GMIP: variants seen among roughly 807,000 people sequenced by gnomAD.
The protein encoded by GMIP is GEM interacting protein, also known as GEM-interacting protein.
A neutral mutation model predicts 105.3 loss-of-function variants in GMIP; 54 were observed. The observed-to-expected ratio is 0.51, with a 90% CI of 0.41 to 0.64. The LOEUF (loss-of-function observed/expected upper bound fraction) is 0.64, where lower values mean the gene tolerates loss of function less well. Among genes scored for constraint, GMIP ranks in the 30% least tolerant of loss-of-function variants. The pLI, the probability that GMIP is intolerant of heterozygous loss-of-function variation, is 0.00. For synonymous variants in GMIP, 541 were observed against 560.8 expected (o/e 0.96, Z 0.50); for missense variants, 1,110 against 1,319.4 (o/e 0.84, Z 2.46).
At chr19:19,636,827 C>A in intron 12 of GMIP, 31 bp from the exon 13 acceptor site, 1 of 1,588,794 alleles carries the variant, frequency 6.3e-7, no homozygotes, top group African/African-American at 1.3e-5. Flanking sequence ...AGGATGGTCC[C>A]CTGCTCACAA....
At chr19:19,641,928 C>G in intron 3 of GMIP, 48 bp downstream of exon 3, 1 of 1,599,842 alleles carries the variant, frequency 6.3e-7, no homozygotes, top group South Asian at 1.1e-5. Context: ...CTTCCTAAGG[C>G]CCCCTCTGCT....
chr19:19,636,956 C>G lies in GMIP; in HGVS notation c.1198G>C (p.Gly400Arg). The G allele has an allele frequency of 6.3e-7, 1 of 1,584,042 alleles. No homozygotes were observed. Among genetic ancestry groups the G allele is most frequent in the Non-Finnish European group, 8.6e-7 (1 of 1,164,368 alleles). Residue 400 changes from glycine to arginine, a missense_variant, in exon 12 of 21, where the codon GGC (glycine) becomes CGC (arginine). Physicochemically the swap from Gly to Arg is moderately radical, Grantham distance 125 (BLOSUM62 -2). Coordinates refer to ENST00000203556, the MANE Select transcript of GMIP (RefSeq NM_016573.4). ...PRLDENSAEP[G>R]PWEDPGTGWR... ...CCTGTGCCCGGATCCTCCCAAGGGC[C>G]TGGCTCAGCTGAATTCTCATCCAGC...
Position 19,643,577 on chromosome 19 carries a change from CG to C in GMIP, c.-49del. ...GCAGGGACCGGGATGGGGATGGGGTCGCGCGCCGGCGGGGCCGAGCCCCGAT... is the reference window on the plus strand; with the variant it reads ...GCAGGGACCGGGATGGGGATGGGGTCCGCGCCGGCGGGGCCGAGCCCCGAT... On this transcript the variant is annotated 5_prime_UTR_variant, in exon 1 of 21. Coordinates refer to ENST00000203556, the MANE Select transcript of GMIP (RefSeq NM_016573.4). 6.7e-7 allele frequency: 1 copy of C among 1,497,362 alleles called. No homozygotes were observed. The allele number at this position is 1,497,362 out of a possible 1,614,324, so 92.8% of individuals were successfully genotyped here.
At position 19,630,472 on chromosome 19, in the gene GMIP, T is replaced by G; in HGVS notation, c.2538A>C (p.Glu846Asp). 1 of 1,613,636 alleles carries G rather than the reference T, an allele frequency of 6.2e-7. No individual in the cohort carries two copies. The highest frequency in any genetic ancestry group is 8.5e-7 in the Non-Finnish European group (1 of 1,179,600). ...TGAGCCTCTCTCTAACATACTCACC[T>G]TCCCCTCCCCCATCTTTGGTGTCTT... ...VAEDTKDGGG[E>D]VSSQGPEDSL... Residue 846 changes from glutamate to aspartate, a missense_variant and splice_region_variant, in exon 20 of 21, where the codon GAA becomes GAC. Glu to Asp is a conservative substitution (Grantham distance 45). Around this residue, in one of 3 missense-constraint regions of GMIP, gnomAD observed 394 missense variants for 450.5 expected, o/e 0.87. Transcript: ENST00000203556. This position sits in a 1 kb window ranked among gnomAD's most constrained non-coding sequence, Gnocchi z 4.8.
In GMIP at chr19:19,637,124, TG is replaced by T; in HGVS notation, c.1125-96del. ...TGTCTAGGTACCAACTCCAAGCACT[TG>T]GGTCTGCAAACCCTGACACCCAGGG... is the stretch of plus-strand genomic sequence containing the variant. On this transcript the variant is annotated intron_variant, in intron 11 of 20. Coordinates refer to ENST00000203556, the MANE Select transcript of GMIP (RefSeq NM_016573.4). The surrounding 1 kb of genome is among the most constrained non-coding windows in gnomAD (Gnocchi z 6.7). 2 of 821,834 alleles carry T rather than the reference TG, an allele frequency of 2.4e-6. No homozygotes were observed. The highest frequency in any genetic ancestry group is 3.9e-6 in the Non-Finnish European group (2 of 507,362). 50.9% of individuals were successfully genotyped at this position (821,834 alleles called of 1,614,324 possible).
intron 7 of GMIP, among the ~76,000 whole-genome samples, chr19:19,639,545 C>T (rs1309617436): frequency 1.3e-5 from 2 of 152,064 alleles, no homozygotes; most frequent in African/African-American, 4.8e-5. Flanking sequence ...TTCCCCTCCC[C>T]ACAAACAAAA....
At position 19,637,072 on chromosome 19, in the gene GMIP, G is replaced by T. The variant is rs1331808368; in HGVS notation, c.1125-43C>A. The T allele has an allele frequency of 3.0e-6, 4 of 1,348,434 alleles. No individual in the cohort carries two copies. The highest frequency in any genetic ancestry group is 4.1e-6 in the Non-Finnish European group (4 of 964,054). 83.5% of individuals were successfully genotyped at this position (1,348,434 alleles called of 1,614,324 possible). ...TGAAGGTTTGAATCCCAGGAAACTG[G>T]CCTGGGGTGATGGCACCCAGGCATC... On this transcript the variant is annotated intron_variant, in intron 11 of 20. Coordinates refer to ENST00000203556, the MANE Select transcript of GMIP (RefSeq NM_016573.4). The surrounding 1 kb of genome is among the most constrained non-coding windows in gnomAD (Gnocchi z 6.7).
rs913406951 is a variant in GMIP, at chr19:19,637,496, G to C, written c.993C>G (p.Ala331=). The change falls in exon 11 of 21, where the codon GCC becomes GCG. Residue 331 remains alanine (A), a synonymous_variant. Transcript: ENST00000203556. This position sits in a 1 kb window ranked among gnomAD's most constrained non-coding sequence, Gnocchi z 6.7. The part of the protein sequence containing the change: ...QAERGPRAFA[A]LAECCAPFEP... ...CAAAGGGCGCACAGCACTCGGCCAG[G>C]GCGGCGAAGGCGCGGGGGCCACGCT... 62 of 1,540,506 alleles carry C rather than the reference G, an allele frequency of 4.0e-5. No individual in the cohort carries two copies. Among genetic ancestry groups the C allele is most frequent in the Non-Finnish European group, 5.2e-5 (60 of 1,143,776 alleles).
chr19:19,634,139 A>G lies in GMIP; in HGVS notation c.2136T>C (p.Ile712=), dbSNP rs2061825437. The change falls in exon 19 of 21, where the codon ATT becomes ATC. Residue 712 remains isoleucine, a synonymous_variant. Transcript: ENST00000203556. The surrounding 1 kb of genome is among the most constrained non-coding windows in gnomAD (Gnocchi z 6.1). ...GCCGCAGCAGTGTCGGCCCAAACAC[A>G]ATGCCCAGGTTGTTGGCAGACATCT... ...ENKMSANNLG[I]VFGPTLLRPP... 4 of 1,610,582 alleles carry G rather than the reference A, an allele frequency of 2.5e-6. No individual in the cohort carries two copies. The East Asian group carries it at 8.9e-5, about 36-fold the overall frequency.
intron 4 of GMIP, 82 bp from the exon 5 acceptor site, chr19:19,640,653 G>A (rs1006137920): frequency 7.0e-7 from 1 of 1,433,376 alleles, no homozygotes; most frequent in African/African-American, 1.4e-5. Context: ...CCAGCCCAGT[G>A]GCACCTGTCC....
rs1191995995 is a variant in GMIP, at chr19:19,637,489, C to T, written c.1000G>A (p.Glu334Lys). The stretch of plus-strand genomic sequence containing the variant: ...CCCGGCTCAAAGGGCGCACAGCACT[C>T]GGCCAGGGCGGCGAAGGCGCGGGGG... ...RGPRAFAALA[E>K]CCAPFEPGQR... The change falls in exon 11 of 21, where the codon GAG becomes AAG. Residue 334 changes from glutamate to lysine, a missense_variant. Glu to Lys is a moderately conservative substitution (Grantham distance 56). Transcript: ENST00000203556. The surrounding 1 kb of genome is among the most constrained non-coding windows in gnomAD (Gnocchi z 6.7). 1.9e-6 allele frequency: 3 copies of T among 1,540,330 alleles called. No homozygotes were observed. Among genetic ancestry groups the T allele is most frequent in the South Asian group, 1.2e-5 (1 of 83,628 alleles).
chr19:19,637,635 G>T lies in GMIP; in HGVS notation c.928-74C>A. ...GGGGGCAGGGCCAGAGCTGGGGCGG[G>T]GCTTGAGAGACGCGAACGTGGTCAG... On this transcript the variant is annotated intron_variant, in intron 10 of 20. Coordinates refer to ENST00000203556, the MANE Select transcript of GMIP (RefSeq NM_016573.4). This position sits in a 1 kb window ranked among gnomAD's most constrained non-coding sequence, Gnocchi z 6.7. 8.1e-7 allele frequency: 1 copy of T among 1,242,086 alleles called. No individual in the cohort carries two copies. Among genetic ancestry groups the T allele is most frequent in the Non-Finnish European group, 1.1e-6 (1 of 926,164 alleles). The allele number at this position is 1,242,086 out of a possible 1,614,324, so 76.9% of individuals were successfully genotyped here.
Position 19,636,960 on chromosome 19 carries a change from C to A in GMIP, c.1194G>T (p.Glu398Asp). 6.3e-7 allele frequency: 1 copy of A among 1,585,144 alleles called. No individual in the cohort carries two copies. Among genetic ancestry groups the A allele is most frequent in the South Asian group, 1.1e-5 (1 of 87,128 alleles). ...TGCCCGGATCCTCCCAAGGGCCTGG[C>A]TCAGCTGAATTCTCATCCAGCCTTG... ...LPPRLDENSA[E>D]PGPWEDPGTG... Residue 398 changes from glutamate to aspartate, a missense_variant, in exon 12 of 21, where the codon GAG becomes GAT. Physicochemically the swap from Glu to Asp is conservative, Grantham distance 45 (BLOSUM62 2). Coordinates refer to ENST00000203556, the MANE Select transcript of GMIP (RefSeq NM_016573.4).
In GMIP at chr19:19,643,546, C is replaced by A. The variant is rs780699205; in HGVS notation, c.-17G>T. 1 of 1,542,634 alleles carries A rather than the reference C, an allele frequency of 6.5e-7. No homozygotes were observed. The highest frequency in any genetic ancestry group is 1.2e-5 in the South Asian group (1 of 83,234). The stretch of plus-strand genomic sequence containing the variant: ...TGCGTCCATATCTGGGCCCGGGGAT[C>A]GCTCTGCAGGGACCGGGATGGGGAT... On this transcript the variant is annotated 5_prime_UTR_variant, in exon 1 of 21. Transcript: ENST00000203556.
chr19:19,637,342 G>T lies in GMIP; in HGVS notation c.1124+23C>A. On this transcript the variant is annotated intron_variant, in intron 11 of 20. Transcript: ENST00000203556. The surrounding 1 kb of genome is among the most constrained non-coding windows in gnomAD (Gnocchi z 6.7). ...CATCGCGATTCCGGGGCTCGTTCCC[G>T]ACTCCCTGCTCCAGTGACCCACCTG... The T allele has an allele frequency of 4.1e-6, 6 of 1,453,514 alleles. No homozygotes were observed. Among genetic ancestry groups the T allele is most frequent in the South Asian group, 1.4e-5 (1 of 71,898 alleles). The allele number at this position is 1,453,514 out of a possible 1,614,324, so 90.0% of individuals were successfully genotyped here. A position where few individuals can be genotyped will look rare whatever the true frequency, so the allele number is the denominator to read the frequency against.
intron 19 of GMIP, among the ~76,000 whole-genome samples, chr19:19,632,289 C>G (rs12609436): frequency 1.6e-4 from 24 of 151,292 alleles, no homozygotes; most frequent in Non-Finnish European, 2.8e-4. Context: ...AATGAAACTC[C>G]GTCTAAAAAA....
At position 19,635,723 on chromosome 19, in the gene GMIP, T is replaced by G. The variant is rs2061847272; in HGVS notation, c.1328-2A>C. The G allele has an allele frequency of 1.9e-6, 3 of 1,613,508 alleles. No individual in the cohort carries two copies. The highest frequency in any genetic ancestry group is 8.5e-7 in the Non-Finnish European group (1 of 1,179,518). On this transcript the variant is annotated splice_acceptor_variant, in intron 13 of 20. Coordinates refer to ENST00000203556, the MANE Select transcript of GMIP (RefSeq NM_016573.4). LOFTEE classifies it high-confidence loss of function. This position sits in a 1 kb window ranked among gnomAD's most constrained non-coding sequence, Gnocchi z 4.7. ...TCACCAGCTGCCTCGTGCCAGCGCC[T>G]GGGGTCAGAGGAATCATGGGAGATT... is the stretch of plus-strand genomic sequence containing the variant.
intron 19 of GMIP, 104 bp downstream of exon 19, chr19:19,633,699 G>C (rs1039098604): frequency 4.6e-5 from 38 of 826,480 alleles, no homozygotes; most frequent in Non-Finnish European, 6.2e-5. Context: ...AAGGGAGGAA[G>C]AGAATGAAGG....
Position 19,642,051 on chromosome 19 carries a change from C to T in GMIP, c.105G>A (p.Val35=), listed in dbSNP as rs2061927409. Reference sequence around the variant, plus strand: ...GGTCTCCAGCCAGCATCTCAAGGGTCCTGGGGGATAAAGGTGTGTCAGGAT... The same window carrying T: ...GGTCTCCAGCCAGCATCTCAAGGGTTCTGGGGGATAAAGGTGTGTCAGGAT... The part of the protein sequence containing the change: ...LDNLEISLGN[V]TLEMLAGDPL... The change falls in exon 3 of 21, where the codon GTG becomes GTA. Residue 35 remains valine, a splice_region_variant and synonymous_variant. Transcript: ENST00000203556. 6.2e-7 allele frequency: 1 copy of T among 1,610,418 alleles called. No homozygotes were observed. Among genetic ancestry groups the T allele is most frequent in the Non-Finnish European group, 8.5e-7 (1 of 1,177,014 alleles).
Sources: gnomAD v4.1 joint callset for allele counts (sites outside exome capture counted in the v4.1 genomes callset) on GRCh38, gnomAD v4.1.1 for gene constraint, gnomAD v4.1.1 regional missense constraint, Gnocchi (gnomAD v3.1) non-coding constraint, MANE v1.5 for transcripts, NCBI Gene and HGNC (gene_info 2026-07-23, HGNC 2026-07-21) for gene names.